The following EFNA5 variants were observed in gnomAD, a reference collection of about 807,000 sequenced individuals.
EFNA5 encodes ephrin A5.
Under a neutral mutation model 22.9 loss-of-function variants are expected in EFNA5, and 5 were observed. The ratio of observed to expected loss-of-function variants is 0.22; its 90% CI spans 0.11 to 0.46. The LOEUF is 0.46. Among genes scored for constraint, EFNA5 ranks in the 20% least tolerant of loss-of-function variants. The pLI is 0.99. For missense variants in EFNA5, 237 were observed against 293.3 expected (o/e 0.81, Z 1.40); for synonymous variants, 113 against 112.2 (o/e 1.01, Z -0.04).
intron 1 of EFNA5, among the ~76,000 whole-genome samples, chr5:107,497,699 G>A (rs570541734): frequency 3.3e-5 from 5 of 152,268 alleles, no homozygotes; most frequent in African/African-American, 1.2e-4. Flanking sequence ...GCAGGGCACA[G>A]TGCAAAATGA....
chr5:107,439,274 C>T (rs1265781079), intron 1 of EFNA5, among the ~76,000 whole-genome samples: 20 of 152,178 alleles, frequency 1.3e-4, no homozygotes, highest in Non-Finnish European at 2.2e-4. Context: ...CCCAAGAGAG[C>T]CCCCCACCGG....
At chr5:107,602,055 G>A (rs529199107) in intron 1 of EFNA5, among the ~76,000 whole-genome samples, 1 of 152,172 alleles carries the variant, frequency 6.6e-6, no homozygotes, top group African/African-American at 2.4e-5. Context: ...TAACGCTGGT[G>A]AATCTCGGGA....
intron 1 of EFNA5, among the ~76,000 whole-genome samples, chr5:107,667,972 G>T (rs1751111458): frequency 6.6e-6 from 1 of 152,142 alleles, no homozygotes; most frequent in Admixed American, 6.5e-5. Flanking sequence ...TTATATCCAA[G>T]TTGACTTTTC....
chr5:107,497,619 CAA>C (rs531575039), intron 1 of EFNA5, among the ~76,000 whole-genome samples: 7,552 of 152,220 alleles, frequency 0.05, 648 homozygotes, highest in African/African-American at 0.17. Context: ...AAAATCTTAG[CAA>C]CTTCTTCAGT....
chr5:107,606,989 T>C (rs1325877001), intron 1 of EFNA5, among the ~76,000 whole-genome samples: 1 of 152,224 alleles, frequency 6.6e-6, no homozygotes, highest in Non-Finnish European at 1.5e-5. Context: ...TTTCTTTGTT[T>C]CTCTATCCAA....
Position 107,661,416 on chromosome 5 carries a change from T to C in EFNA5, c.125+9073A>G, listed in dbSNP as rs138824831. The stretch of plus-strand genomic sequence containing the variant: ...TGGAGGTCTGCAAATAGCTACAGAA[T>C]CAGTTTCAAGATCTCCATCTCAAAG... On this transcript the variant is annotated intron_variant, in intron 1 of 4. Coordinates refer to ENST00000333274, the MANE Select transcript of EFNA5 (RefSeq NM_001962.3). Among the ~76,000 whole-genome samples the C allele has an allele frequency of 1.6e-3, 239 of 152,280 alleles. No individual in the cohort carries two copies. In the Middle Eastern group the frequency reaches 0.024, roughly 15 times the overall value.
chr5:107,559,445 G>A (rs528508358), intron 1 of EFNA5, among the ~76,000 whole-genome samples: 2 of 152,282 alleles, frequency 1.3e-5, no homozygotes, highest in South Asian at 4.1e-4. Flanking sequence ...TTACTGACAG[G>A]ATGAGGGAAT....
chr5:107,459,409 G>C (rs1346479770), intron 1 of EFNA5, among the ~76,000 whole-genome samples: 1 of 149,692 alleles, frequency 6.7e-6, no homozygotes, highest in African/African-American at 2.5e-5. Flanking sequence ...GAACAACAAA[G>C]CAGAACAAAG....
intron 1 of EFNA5, among the ~76,000 whole-genome samples, chr5:107,602,131 C>G (rs931562780): frequency 6.6e-6 from 1 of 152,148 alleles, no homozygotes; most frequent in Non-Finnish European, 1.5e-5. Flanking sequence ...AAAATGTGCA[C>G]GTTATTAATG....
At chr5:107,502,809 T>C (rs896160450) in intron 1 of EFNA5, among the ~76,000 whole-genome samples, 7 of 152,138 alleles carry the variant, frequency 4.6e-5, no homozygotes, top group African/African-American at 1.4e-4. Flanking sequence ...AGCTGGCAGA[T>C]TGAAAGGCGG....
In EFNA5 at chr5:107,506,355, A is replaced by G. The variant is rs1364860850; in HGVS notation, c.126-78846T>C. The stretch of plus-strand genomic sequence containing the variant: ...TAAATGATTAACCTGTCATTGGAAC[A>G]TTACAATTTAGTTGAAGAAGTAGTC... On this transcript the variant is annotated intron_variant, in intron 1 of 4. Coordinates refer to ENST00000333274, the MANE Select transcript of EFNA5 (RefSeq NM_001962.3). Among the ~76,000 whole-genome samples the G allele has an allele frequency of 2.6e-5, 4 of 152,254 alleles. No individual in the cohort carries two copies. In the East Asian group the frequency reaches 5.8e-4, roughly 22 times the overall value.
chr5:107,634,262 T>C (rs1371622658), intron 1 of EFNA5, among the ~76,000 whole-genome samples: 1 of 152,154 alleles, frequency 6.6e-6, no homozygotes. Flanking sequence ...ACTCGTGTAA[T>C]CCAAGCACTT....
At chr5:107,556,074 G>A (rs372505281) in intron 1 of EFNA5, among the ~76,000 whole-genome samples, 59 of 152,222 alleles carry the variant, frequency 3.9e-4, no homozygotes, top group African/African-American at 1.2e-3. Flanking sequence ...ACTACTTACC[G>A]TCTATTTGGT....
At chr5:107,405,243 C>A (rs1748176864) in intron 2 of EFNA5, among the ~76,000 whole-genome samples, 1 of 152,208 alleles carries the variant, frequency 6.6e-6, no homozygotes, top group Non-Finnish European at 1.5e-5. Context: ...GATGCCTCAG[C>A]CCTGGCCGGA....
chr5:107,556,517 G>A (rs1404002645), intron 1 of EFNA5, among the ~76,000 whole-genome samples: 6 of 152,048 alleles, frequency 3.9e-5, no homozygotes, highest in Non-Finnish European at 5.9e-5. Flanking sequence ...AGGTTGAGGC[G>A]GGTGGATCAC....
At chr5:107,600,877 G>A (rs1749577980) in intron 1 of EFNA5, among the ~76,000 whole-genome samples, 1 of 152,108 alleles carries the variant, frequency 6.6e-6, no homozygotes, top group South Asian at 2.1e-4. Context: ...GAAAAGCTGA[G>A]GACAGGTTAG....
At chr5:107,667,180 T>C (rs1751094430) in intron 1 of EFNA5, among the ~76,000 whole-genome samples, 2 of 152,104 alleles carry the variant, frequency 1.3e-5, no homozygotes, top group Non-Finnish European at 2.9e-5. Flanking sequence ...AATGTTATCA[T>C]ATATTTCTAT....
chr5:107,578,819 A>G (rs552434304), intron 1 of EFNA5, among the ~76,000 whole-genome samples: 1 of 152,354 alleles, frequency 6.6e-6, no homozygotes, highest in South Asian at 2.1e-4. Context: ...TGAAATTAAA[A>G]GGGAGCCTGC....
intron 1 of EFNA5, among the ~76,000 whole-genome samples, chr5:107,554,445 A>T (rs978457041): frequency 2.0e-5 from 3 of 152,240 alleles, no homozygotes; most frequent in Non-Finnish European, 2.9e-5. Flanking sequence ...TATGACACTG[A>T]TATGGGAAAA....
Sources: gnomAD v4.1 joint callset for allele counts (sites outside exome capture counted in the v4.1 genomes callset) on GRCh38, gnomAD v4.1.1 for gene constraint, MANE v1.5 for transcripts, NCBI Gene and HGNC (gene_info 2026-07-23, HGNC 2026-07-21) for gene names.